The following ATRIP variants were observed in gnomAD, a reference collection of about 807,000 sequenced individuals.
ATRIP encodes the protein ATR interacting protein, also known as ATR-interacting protein.
A neutral mutation model predicts 78.1 loss-of-function variants in ATRIP; 44 were observed. That is an observed-to-expected ratio of 0.56 (90% CI 0.44 to 0.72). The LOEUF is 0.72. Ranked by LOEUF, ATRIP falls within the 30% of genes least tolerant of loss-of-function variation. The pLI is 0.00. For missense variants in ATRIP, 927 were observed against 980.2 expected (o/e 0.95, Z 0.72); for synonymous variants, 388 against 408.9 (o/e 0.95, Z 0.62).
In ATRIP at chr3:48,460,489, C is replaced by G; in HGVS notation, c.1435C>G (p.Leu479Val). 1.2e-6 allele frequency: 2 copies of G among 1,611,872 alleles called. No homozygotes were observed. Among genetic ancestry groups the G allele is most frequent in the Non-Finnish European group, 1.7e-6 (2 of 1,178,760 alleles). ...CILEGFSVTA[L>V]SILQHLVCHS... ...CCTGGAAGGCTTCTCTGTGACTGCACTTAGCATTCTTCAGCACCTGGTGTG... is the reference window on the plus strand; with the variant it reads ...CCTGGAAGGCTTCTCTGTGACTGCAGTTAGCATTCTTCAGCACCTGGTGTG... Residue 479 changes from leucine (L) to valine (V), a missense_variant, in exon 8 of 13, where the codon CTT becomes GTT. Transcript: ENST00000320211.
At chr3:48,451,929 T>C in intron 3 of ATRIP, 30 bp downstream of exon 3, 1 of 1,566,424 alleles carries the variant, frequency 6.4e-7, no homozygotes, top group South Asian at 1.2e-5. Flanking sequence ...TTGCACCAGC[T>C]TTGCCTGCCC....
rs139228069 is a variant in ATRIP at position 48,467,333 on chromosome 3, C to T, written c.*1779C>T. 28 of 1,614,044 alleles carry T rather than the reference C, an allele frequency of 1.7e-5. No homozygotes were observed. The highest frequency in any genetic ancestry group is 1.3e-4 in the African/African-American group (10 of 74,932). On this transcript the variant is annotated 3_prime_UTR_variant, in exon 13 of 13. Transcript: ENST00000320211. ...GGGTGGATGCTCACGCCAGGCCTTT[C>T]GGCACCATCAGGCCCATGTATGGGG...
chr3:48,457,463 T>C (rs762384974), intron 5 of ATRIP, 47 bp downstream of exon 5: 8 of 1,372,676 alleles, frequency 5.8e-6, no homozygotes, highest in African/African-American at 1.5e-5. Flanking sequence ...TACCCAAATA[T>C]GTGGCTTAAA....
At position 48,464,130 on chromosome 3, in the gene ATRIP, G is replaced by C. The variant is rs1459087673; in HGVS notation, c.1972G>C (p.Glu658Gln). The change falls in exon 10 of 13, where the codon GAG (glutamate) becomes CAG (glutamine). Residue 658 changes from glutamate to glutamine, a missense_variant and splice_region_variant. Physicochemically the swap from Glu to Gln is conservative, Grantham distance 29 (BLOSUM62 2). Coordinates refer to ENST00000320211, the MANE Select transcript of ATRIP (RefSeq NM_130384.3). ...LETQWLQLEQ[E>Q]VVWLLAKLGV... The stretch of plus-strand genomic sequence containing the variant: ...GACACAATGGCTCCAGCTGGAACAA[G>C]AGGTAAAAACTCCAGAGCCCCTTCT... The C allele has an allele frequency of 3.7e-6, 6 of 1,612,890 alleles. No individual in the cohort carries two copies. Among genetic ancestry groups the C allele is most frequent in the African/African-American group, 1.3e-5 (1 of 75,026 alleles).
chr3:48,466,138 A>G lies in ATRIP; in HGVS notation c.*584A>G, dbSNP rs1011545886. 13 of 421,276 alleles carry G rather than the reference A, an allele frequency of 3.1e-5. No homozygotes were observed. The Admixed American group carries it at 4.3e-4, about 14-fold the overall frequency. The allele number at this position is 421,276 out of a possible 1,614,324, so 26.1% of individuals were successfully genotyped here. On this transcript the variant is annotated 3_prime_UTR_variant, in exon 13 of 13. Coordinates refer to ENST00000320211, the MANE Select transcript of ATRIP (RefSeq NM_130384.3). ...AGCAGGGGAGTGGGTGTGGGGGGGA[A>G]CGGATGGTGGTGAGAGGGACAGACC... is the stretch of plus-strand genomic sequence containing the variant.
chr3:48,457,440 A>ATG (rs2039982714), intron 5 of ATRIP, 24 bp downstream of exon 5: 5 of 1,462,904 alleles, frequency 3.4e-6, no homozygotes, highest in Non-Finnish European at 4.5e-6. Flanking sequence ...TCATCTATTG[A>ATG]TGTATAACAA....
chr3:48,466,502 A>G lies in ATRIP; in HGVS notation c.*948A>G. On this transcript the variant is annotated 3_prime_UTR_variant, in exon 13 of 13. Transcript: ENST00000320211. ...CTTCCTGCCTGAAAATGGGCCCTGG[A>G]GCTCGCAGACAGGGCAGGATTGTGC... 6.2e-7 allele frequency: 1 copy of G among 1,613,890 alleles called. No individual in the cohort carries two copies. Among genetic ancestry groups the G allele is most frequent in the Non-Finnish European group, 8.5e-7 (1 of 1,179,990 alleles).
chr3:48,447,575 T>A, intron 1 of ATRIP: 1 of 979,464 alleles, frequency 1.0e-6, no homozygotes. Context: ...CTGTGCTAGG[T>A]GCCCAAACGT....
Position 48,467,557 on chromosome 3 carries a change from T to C in ATRIP, c.*2003T>C. On this transcript the variant is annotated 3_prime_UTR_variant, in exon 13 of 13. Transcript: ENST00000320211. ...CTGCTGGCCATCCTGACCTTGGCAG[T>C]AGCCACACTGTATGGACTATCCCTG... is the stretch of plus-strand genomic sequence containing the variant. The C allele has an allele frequency of 1.9e-6, 3 of 1,613,810 alleles. No individual in the cohort carries two copies. The highest frequency in any genetic ancestry group is 2.5e-6 in the Non-Finnish European group (3 of 1,179,942).
rs1375680742 is a variant in ATRIP, at chr3:48,464,997, G to T, written c.2222G>T (p.Cys741Phe). 6.2e-7 allele frequency: 1 copy of T among 1,614,108 alleles called. No individual in the cohort carries two copies. Residue 741 changes from cysteine to phenylalanine, a missense_variant, in exon 12 of 13, where the codon TGC becomes TTC. By Grantham distance (205) the Cys-to-Phe change is radical. Transcript: ENST00000320211. ...SQKDKLFMMH[C>F]VEVLHQFDQV... ...AAGGACAAGCTCTTCATGATGCACT[G>T]CGTGGAGGTCCTGCATCAGTTTGAC...
At position 48,466,497 on chromosome 3, in the gene ATRIP, C is replaced by T; in HGVS notation, c.*943C>T. ...TCCAACTTCCTGCCTGAAAATGGGC[C>T]CTGGAGCTCGCAGACAGGGCAGGAT... On this transcript the variant is annotated 3_prime_UTR_variant, in exon 13 of 13. Transcript: ENST00000320211. The T allele has an allele frequency of 6.2e-7, 1 of 1,614,036 alleles. No individual in the cohort carries two copies. The highest frequency in any genetic ancestry group is 8.5e-7 in the Non-Finnish European group (1 of 1,180,022).
intron 1 of ATRIP, among the ~76,000 whole-genome samples, chr3:48,448,788 C>G (rs4858794): frequency 0.075 from 11,473 of 152,302 alleles, 1,344 homozygotes; most frequent in African/African-American, 0.25. Flanking sequence ...AATCATCCCA[C>G]TTAAGTCAGA....
chr3:48,448,615 T>C (rs1397771828), intron 1 of ATRIP, among the ~76,000 whole-genome samples: 5 of 152,280 alleles, frequency 3.3e-5, no homozygotes, highest in Non-Finnish European at 5.9e-5. Context: ...TGCACTAACA[T>C]TCTTTGAATT....
In ATRIP at chr3:48,464,872, G is replaced by A; in HGVS notation, c.2097G>A (p.Leu699=). ...ALTVMLHRQW[L]TVRRAGGPPR... ...CGGTGATGTTGCACAGACAGTGGCT[G>A]ACAGTGCGGAGGGCAGGGGGACCCC... is the stretch of plus-strand genomic sequence containing the variant. Residue 699 remains leucine (L), a synonymous_variant, in exon 12 of 13, where the codon CTG becomes CTA. Transcript: ENST00000320211. 1.9e-6 allele frequency: 3 copies of A among 1,613,836 alleles called. No individual in the cohort carries two copies. The highest frequency in any genetic ancestry group is 2.5e-6 in the Non-Finnish European group (3 of 1,179,890).
At position 48,465,005 on chromosome 3, in the gene ATRIP, G is replaced by T. The variant is rs754066545; in HGVS notation, c.2230G>T (p.Val744Phe). Residue 744 changes from valine (V) to phenylalanine (F), a missense_variant, in exon 12 of 13, where the codon GTC becomes TTC. By Grantham distance (50) the Val-to-Phe change is conservative. Transcript: ENST00000320211. ...DKLFMMHCVE[V>F]LHQFDQVMPG... ...GCTCTTCATGATGCACTGCGTGGAG[G>T]TCCTGCATCAGTTTGACCAGGTGAT... is the stretch of plus-strand genomic sequence containing the variant. The T allele has an allele frequency of 9.3e-6, 15 of 1,614,058 alleles. No homozygotes were observed. Among genetic ancestry groups the T allele is most frequent in the African/African-American group, 1.3e-5 (1 of 75,050 alleles).
At chr3:48,453,097 C>T (rs912793340) in intron 3 of ATRIP, among the ~76,000 whole-genome samples, 2 of 152,002 alleles carry the variant, frequency 1.3e-5, no homozygotes, top group African/African-American at 2.4e-5. Flanking sequence ...TTCTCCAAGC[C>T]GTTCTCAAGC....
At position 48,464,879 on chromosome 3, in the gene ATRIP, C is replaced by G. The variant is rs374242464; in HGVS notation, c.2104C>G (p.Arg702Gly). ...GTTGCACAGACAGTGGCTGACAGTGCGGAGGGCAGGGGGACCCCCAAGGAC... is the reference window on the plus strand; with the variant it reads ...GTTGCACAGACAGTGGCTGACAGTGGGGAGGGCAGGGGGACCCCCAAGGAC... ...VMLHRQWLTVRRAGGPPRTDQ... is the reference protein window; with the variant it reads ...VMLHRQWLTVGRAGGPPRTDQ... Residue 702 changes from arginine (R) to glycine (G), a missense_variant, in exon 12 of 13, where the codon CGG (arginine) becomes GGG (glycine). Transcript: ENST00000320211. The G allele has an allele frequency of 6.8e-6, 11 of 1,613,706 alleles. No individual in the cohort carries two copies. The African/African-American group carries it at 1.5e-4, about 22-fold the overall frequency.
intron 8 of ATRIP, among the ~76,000 whole-genome samples, chr3:48,463,190 C>A (rs2107234671): frequency 6.6e-6 from 1 of 152,202 alleles, no homozygotes; most frequent in East Asian, 1.9e-4. Context: ...CCTTTTGCCC[C>A]TGAGACCTGG....
In ATRIP at chr3:48,467,318, T is replaced by A. The variant is rs763167160; in HGVS notation, c.*1764T>A. On this transcript the variant is annotated 3_prime_UTR_variant, in exon 13 of 13. Transcript: ENST00000320211. ...AGGCCCTGCTGCGGTGGGTGGATGC[T>A]CACGCCAGGCCTTTCGGCACCATCA... 2 of 1,614,160 alleles carry A rather than the reference T, an allele frequency of 1.2e-6. No homozygotes were observed. The highest frequency in any genetic ancestry group is 1.7e-5 in the Admixed American group (1 of 60,030).
Sources: allele counts gnomAD v4.1 joint callset (sites outside exome capture counted in the v4.1 genomes callset), GRCh38; gene constraint gnomAD v4.1.1; transcripts MANE v1.5; gene names NCBI Gene and HGNC (gene_info 2026-07-23, HGNC 2026-07-21).